MCTP2: variants seen among roughly 807,000 people sequenced by gnomAD.
MCTP2 encodes the protein multiple C2 and transmembrane domain containing 2, also known as multiple C2 and transmembrane domain-containing protein 2.
Under a neutral mutation model 111.6 loss-of-function variants are expected in MCTP2, and 132 were observed. The observed-to-expected ratio is 1.18, with a 90% CI of 1.03 to 1.37. The LOEUF is 1.37. Among genes scored for constraint, MCTP2 ranks in the 40% most tolerant of loss-of-function variants. The pLI, the probability that MCTP2 is intolerant of heterozygous loss-of-function variation, is 0.00. For missense variants in MCTP2, 1,183 were observed against 1,067.9 expected, an observed-to-expected ratio of 1.11 and a Z score of -1.50; for synonymous variants, 395 against 387.7, an observed-to-expected ratio of 1.02 and a Z score of -0.22.
intron 19 of MCTP2, among the ~76,000 whole-genome samples, chr15:94,448,128 A>C (rs2084228638): frequency 6.6e-6 from 1 of 152,212 alleles, no homozygotes; most frequent in African/African-American, 2.4e-5. Context: ...GTCCGCTGGC[A>C]AATCAACTTG....
intron 14 of MCTP2, among the ~76,000 whole-genome samples, chr15:94,398,541 A>G (rs2081393254): frequency 6.6e-6 from 1 of 152,240 alleles, no homozygotes; most frequent in Non-Finnish European, 1.5e-5. Flanking sequence ...GACCCAATCC[A>G]GAATACCACA....
chr15:94,475,261 G>C (rs1306176168), intron 21 of MCTP2, among the ~76,000 whole-genome samples: 1 of 152,140 alleles, frequency 6.6e-6, no homozygotes, highest in African/African-American at 2.4e-5. Context: ...GCAGAGTGCA[G>C]CTTTGACTTG....
intron 12 of MCTP2, among the ~76,000 whole-genome samples, chr15:94,370,472 A>G (rs1458794557): frequency 1.6e-4 from 24 of 152,210 alleles, no homozygotes; most frequent in Non-Finnish European, 2.9e-5. Flanking sequence ...TGTTAAATTA[A>G]GTTGTTGGTC....
At chr15:94,353,871 A>T (rs991138465) in intron 8 of MCTP2, among the ~76,000 whole-genome samples, 2 of 152,222 alleles carry the variant, frequency 1.3e-5, no homozygotes, top group African/African-American at 4.8e-5. Flanking sequence ...CTATATAAAC[A>T]TCTATAGATA....
At chr15:94,404,674 C>T (rs941102936) in intron 17 of MCTP2, among the ~76,000 whole-genome samples, 2 of 151,772 alleles carry the variant, frequency 1.3e-5, no homozygotes, top group Admixed American at 6.6e-5. Context: ...TCTTTGAAAA[C>T]GCCTTCATTT....
At chr15:94,305,540 T>C (rs1214253133) in intron 2 of MCTP2, among the ~76,000 whole-genome samples, 2 of 152,192 alleles carry the variant, frequency 1.3e-5, no homozygotes, top group Non-Finnish European at 2.9e-5. Context: ...GGTGTGTGTG[T>C]ATACACACAT....
At chr15:94,463,420 C>T (rs1165464799) in intron 20 of MCTP2, among the ~76,000 whole-genome samples, 1 of 152,108 alleles carries the variant, frequency 6.6e-6, no homozygotes, top group East Asian at 1.9e-4. Context: ...CACATATAGA[C>T]ATGAAATTAA....
At chr15:94,338,804 C>G (rs911793448) in intron 4 of MCTP2, among the ~76,000 whole-genome samples, 3 of 152,148 alleles carry the variant, frequency 2.0e-5, no homozygotes, top group Admixed American at 2.0e-4. Context: ...CACTTGTAGC[C>G]CCATCGTGCC....
intron 14 of MCTP2, among the ~76,000 whole-genome samples, chr15:94,390,049 C>CAT (rs1169783409): frequency 2.3e-4 from 25 of 109,654 alleles, no homozygotes; most frequent in African/African-American, 5.0e-4. Flanking sequence ...ATGTTCAAGG[C>CAT]ATATATATAT....
At chr15:94,256,822 T>C (rs983085668) in intron 1 of MCTP2, among the ~76,000 whole-genome samples, 20 of 152,302 alleles carry the variant, frequency 1.3e-4, no homozygotes, top group African/African-American at 4.8e-4. Context: ...AAATCATAAA[T>C]CAAAGAACCT....
At chr15:94,394,590 C>A (rs540887734) in intron 14 of MCTP2, among the ~76,000 whole-genome samples, 2 of 151,878 alleles carry the variant, frequency 1.3e-5, no homozygotes, top group East Asian at 3.9e-4. Flanking sequence ...ATGGTGAAAC[C>A]CTGTTTCTAC....
At chr15:94,235,183 G>A (rs796105871) in intron 1 of MCTP2, among the ~76,000 whole-genome samples, 18 of 152,016 alleles carry the variant, frequency 1.2e-4, no homozygotes, top group African/African-American at 4.3e-4. Context: ...CTTGGGAGGC[G>A]GAGGTTGCAG....
intron 1 of MCTP2, among the ~76,000 whole-genome samples, chr15:94,282,075 A>G (rs1209490539): frequency 6.6e-6 from 1 of 152,136 alleles, no homozygotes; most frequent in African/African-American, 2.4e-5. Context: ...CTGAGTTTGC[A>G]GGTTGACCTC....
intron 12 of MCTP2, among the ~76,000 whole-genome samples, chr15:94,370,628 G>A (rs1424356439): frequency 6.6e-6 from 1 of 152,074 alleles, no homozygotes; most frequent in Non-Finnish European, 1.5e-5. Context: ...CAGAGCCTAG[G>A]CCCTGGGATC....
At chr15:94,463,536 T>A (rs1480889825) in intron 20 of MCTP2, among the ~76,000 whole-genome samples, 1 of 152,202 alleles carries the variant, frequency 6.6e-6, no homozygotes, top group South Asian at 2.1e-4. Context: ...TGTATAAGAA[T>A]AATTTTTTCT....
At chr15:94,335,990 T>A (rs2077341589) in intron 4 of MCTP2, among the ~76,000 whole-genome samples, 2 of 152,074 alleles carry the variant, frequency 1.3e-5, no homozygotes, top group Non-Finnish European at 1.5e-5. Context: ...TTCTTAAAAA[T>A]TAAAAAAAGG....
intron 14 of MCTP2, among the ~76,000 whole-genome samples, chr15:94,392,216 C>A (rs1447482519): frequency 1.3e-5 from 2 of 151,680 alleles, no homozygotes; most frequent in Non-Finnish European, 1.5e-5. Context: ...CTAAAAAATA[C>A]AAAAAATTAG....
intron 14 of MCTP2, among the ~76,000 whole-genome samples, chr15:94,398,547 C>T (rs2081393934): frequency 1.3e-5 from 2 of 152,202 alleles, no homozygotes; most frequent in South Asian, 4.1e-4. Context: ...ATCCAGAATA[C>T]CACATTGCAT....
intron 17 of MCTP2, among the ~76,000 whole-genome samples, chr15:94,423,702 C>T (rs749922339): frequency 3.9e-5 from 6 of 152,190 alleles, no homozygotes; most frequent in African/African-American, 7.2e-5. Context: ...TTCATATTGG[C>T]GGCTGCCAAT....
Sources: gnomAD v4.1 joint callset for allele counts (sites outside exome capture counted in the v4.1 genomes callset) on GRCh38, gnomAD v4.1.1 for gene constraint, MANE v1.5 for transcripts, NCBI Gene and HGNC (gene_info 2026-07-23, HGNC 2026-07-21) for gene names.